Variants in GRIK4 observed in about 807,000 individuals in gnomAD.
The protein encoded by GRIK4 is glutamate ionotropic receptor kainate type subunit 4, also known as glutamate receptor ionotropic, kainate 4.
In GRIK4, 40 loss-of-function variants were observed where a neutral mutation model predicts 104.9. The ratio of observed to expected loss-of-function variants is 0.38; its 90% CI spans 0.30 to 0.50. The LOEUF (loss-of-function observed/expected upper bound fraction) is 0.50, where lower values mean the gene tolerates loss of function less well. Ranked by LOEUF, GRIK4 falls within the 20% of genes least tolerant of loss-of-function variation. The probability of loss-of-function intolerance (pLI) is 0.93; values close to 1 mark genes in which losing one functional copy is unlikely to be tolerated. For synonymous variants in GRIK4, 485 were observed against 524.9 expected (o/e 0.92, Z 1.04); for missense variants, 1,047 against 1,308.1 (o/e 0.80, Z 3.08).
chr11:120,818,252 C>T (rs1181894247), intron 5 of GRIK4, among the ~76,000 whole-genome samples: 1 of 152,206 alleles, frequency 6.6e-6, no homozygotes, highest in African/African-American at 2.4e-5. Flanking sequence ...CGACCTTGGT[C>T]AGAGGTGTTC....
intron 1 of GRIK4, among the ~76,000 whole-genome samples, chr11:120,617,706 C>T (rs1949134212): frequency 6.6e-6 from 1 of 152,106 alleles, no homozygotes; most frequent in Admixed American, 6.6e-5. Flanking sequence ...AGCACCTCCC[C>T]CACTCTTCCT....
At chr11:120,962,808 C>A in intron 18 of GRIK4, 127 bp downstream of exon 18, 1 of 560,704 alleles carries the variant, frequency 1.8e-6, no homozygotes, top group Non-Finnish European at 3.1e-6. Context: ...AGTGACTTTA[C>A]GTGGGCATTC....
chr11:120,649,258 G>A (rs1011514455), intron 1 of GRIK4, among the ~76,000 whole-genome samples: 2 of 152,076 alleles, frequency 1.3e-5, no homozygotes, highest in East Asian at 1.9e-4. Context: ...CAAGGAATGC[G>A]CACATCCAGA....
chr11:120,512,909 G>A (rs1051276876), intron 1 of GRIK4, among the ~76,000 whole-genome samples: 6 of 152,204 alleles, frequency 3.9e-5, no homozygotes, highest in Admixed American at 3.9e-4. Context: ...GGGCGCCTCT[G>A]GCCCGTCTGC....
At chr11:120,793,296 G>A (rs1344767325) in intron 3 of GRIK4, among the ~76,000 whole-genome samples, 2 of 152,112 alleles carry the variant, frequency 1.3e-5, no homozygotes, top group Non-Finnish European at 2.9e-5. Flanking sequence ...CATTGAAAGT[G>A]ACAGAGAAGG....
chr11:120,534,453 C>T (rs2508652), intron 1 of GRIK4, among the ~76,000 whole-genome samples: 65,302 of 151,684 alleles, frequency 0.43, 16,452 homozygotes, highest in African/African-American at 0.66. Context: ...GAGCTCCCCT[C>T]GAAAGAATGT....
chr11:120,528,286 T>C (rs1947882182), intron 1 of GRIK4, among the ~76,000 whole-genome samples: 1 of 152,222 alleles, frequency 6.6e-6, no homozygotes, highest in Non-Finnish European at 1.5e-5. Context: ...TAATTTTTTG[T>C]ATTCTTAATA....
chr11:120,796,283 C>T (rs1187068270), intron 3 of GRIK4, among the ~76,000 whole-genome samples: 1 of 152,138 alleles, frequency 6.6e-6, no homozygotes, highest in Non-Finnish European at 1.5e-5. Flanking sequence ...GATCCGCCCG[C>T]CTCAGCCTCC....
intron 10 of GRIK4, among the ~76,000 whole-genome samples, chr11:120,874,666 T>C (rs1417576193): frequency 6.6e-6 from 1 of 152,152 alleles, no homozygotes; most frequent in Non-Finnish European, 1.5e-5. Flanking sequence ...GGTGGGTGAA[T>C]GAGGATCTCT....
chr11:120,954,907 C>T (rs774824906), intron 15 of GRIK4, among the ~76,000 whole-genome samples: 17 of 151,898 alleles, frequency 1.1e-4, no homozygotes, highest in Non-Finnish European at 2.2e-4. Flanking sequence ...GCAAAGGCTC[C>T]TGGGAGCAAC....
chr11:120,812,609 G>A (rs1005647467), intron 4 of GRIK4, among the ~76,000 whole-genome samples: 10 of 152,206 alleles, frequency 6.6e-5, no homozygotes, highest in African/African-American at 2.2e-4. Context: ...GTATCTTATA[G>A]GTGAGAAAAC....
chr11:120,920,094 G>A (rs1943194893), intron 13 of GRIK4, among the ~76,000 whole-genome samples: 1 of 152,094 alleles, frequency 6.6e-6, no homozygotes, highest in Non-Finnish European at 1.5e-5. Context: ...ATCCCGACTG[G>A]ACACCTAGGT....
intron 1 of GRIK4, among the ~76,000 whole-genome samples, chr11:120,637,774 C>G (rs1949417186): frequency 6.6e-6 from 1 of 152,076 alleles, no homozygotes; most frequent in Non-Finnish European, 1.5e-5. Context: ...CAGAATGCCC[C>G]TTCTTTCTCC....
In GRIK4 at chr11:120,815,404, G is replaced by C; in HGVS notation, c.274G>C (p.Val92Leu). 1 of 1,550,932 alleles carries C rather than the reference G, an allele frequency of 6.4e-7. No homozygotes were observed. The highest frequency in any genetic ancestry group is 8.7e-7 in the Non-Finnish European group (1 of 1,146,324). The change falls in exon 5 of 21, where the codon GTC (valine) becomes CTC (leucine). Residue 92 changes from valine (V) to leucine (L), a missense_variant. Transcript: ENST00000527524. ...GTGTCAGATCCTCCCCAAGGGGGTG[G>C]TCGCTGTCCTCGGACCATCGTCCAG... ...TMCQILPKGV[V>L]AVLGPSSSPA...
intron 19 of GRIK4, among the ~76,000 whole-genome samples, chr11:120,977,651 A>G (rs1944583871): frequency 6.6e-6 from 1 of 152,226 alleles, no homozygotes; most frequent in Non-Finnish European, 1.5e-5. Context: ...GCCAGGAATC[A>G]GGATGCTGGA....
At chr11:120,977,169 C>T (rs899453893) in intron 19 of GRIK4, among the ~76,000 whole-genome samples, 4 of 152,168 alleles carry the variant, frequency 2.6e-5, no homozygotes, top group South Asian at 2.1e-4. Context: ...GTGGGGAGAG[C>T]GTGATTCTAT....
intron 15 of GRIK4, among the ~76,000 whole-genome samples, chr11:120,955,705 C>A (rs1037524656): frequency 1.3e-5 from 2 of 152,202 alleles, no homozygotes; most frequent in South Asian, 4.1e-4. Flanking sequence ...CAGCCCCATG[C>A]GTGCATTACA....
intron 18 of GRIK4, among the ~76,000 whole-genome samples, chr11:120,965,752 G>A (rs1304603732): frequency 6.6e-6 from 1 of 152,214 alleles, no homozygotes; most frequent in South Asian, 2.1e-4. Flanking sequence ...TCACCTTGGG[G>A]CTTGTTGGAA....
intron 1 of GRIK4, among the ~76,000 whole-genome samples, chr11:120,648,002 A>G (rs1453758256): frequency 2.0e-5 from 3 of 152,142 alleles, no homozygotes; most frequent in African/African-American, 4.8e-5. Flanking sequence ...GAGGAGGTAC[A>G]GTACCCACAG....
Sources: allele counts gnomAD v4.1 joint callset (sites outside exome capture counted in the v4.1 genomes callset), GRCh38; gene constraint gnomAD v4.1.1; transcripts MANE v1.5; gene names NCBI Gene and HGNC (gene_info 2026-07-23, HGNC 2026-07-21).